The following GCNA variants were observed in gnomAD, a reference collection of about 807,000 sequenced individuals.
The protein encoded by GCNA is germ cell nuclear acidic protein.
A neutral mutation model predicts 38.8 loss-of-function variants in GCNA; 3 were observed. The ratio of observed to expected loss-of-function variants is 0.08; its 90% CI spans 0.04 to 0.20. GCNA has a LOEUF of 0.20. GCNA is among the 10% of genes least tolerant of loss of function. GCNA has a pLI of 1.00. For synonymous variants in GCNA, 195 were observed against 240.2 expected, an observed-to-expected ratio of 0.81 and a Z score of 1.74; for missense variants, 446 against 578.6, an observed-to-expected ratio of 0.77 and a Z score of 2.35.
intron 1 of GCNA, among the ~76,000 whole-genome samples, chrX:71,578,880 C>T (rs1303286788): frequency 1.2e-5 from 1 of 84,015 alleles, no homozygotes; most frequent in African/African-American, 4.6e-5. Context: ...CTGGTGGTGG[C>T]GTAGAAGGAG....
rs1247219537 is a variant in GCNA at position 71,581,447 on chromosome X, A to G, written c.59+567A>G. Reference sequence around the variant, plus strand: ...GTCTCTAAGTTTTTTCTCTTCTGGAACACTACCCTATTTTCCTCCCTCACA... The same window carrying G: ...GTCTCTAAGTTTTTTCTCTTCTGGAGCACTACCCTATTTTCCTCCCTCACA... On this transcript the variant is annotated intron_variant, in intron 2 of 12. Transcript: ENST00000373696. Among the ~76,000 whole-genome samples, 3 of 111,930 alleles carry G rather than the reference A, an allele frequency of 2.7e-5. No individual in the cohort carries two copies. The East Asian group carries it at 8.3e-4, about 31-fold the overall frequency.
At chrX:71,607,847 C>T (rs990141810) in intron 9 of GCNA, among the ~76,000 whole-genome samples, 1 of 112,779 alleles carries the variant, frequency 8.9e-6, no homozygotes, top group Non-Finnish European at 1.9e-5. Context: ...GAGATGTAGT[C>T]CTTGTAAGCC....
At chrX:71,599,337 C>G (rs1383910546) in intron 7 of GCNA, among the ~76,000 whole-genome samples, 1 of 111,683 alleles carries the variant, frequency 9.0e-6, no homozygotes, top group Non-Finnish European at 1.9e-5. Context: ...GGTGGCTGTG[C>G]CTGAGCAGGA....
chrX:71,578,673 G>A (rs961171798), intron 1 of GCNA, among the ~76,000 whole-genome samples, 151 bp downstream of exon 1: 6 of 111,727 alleles, frequency 5.4e-5, no homozygotes, highest in Admixed American at 2.8e-4. Context: ...AAGTGGCAGC[G>A]AGGGGAGAAG....
chrX:71,608,154 T>C (rs771287463), intron 9 of GCNA, among the ~76,000 whole-genome samples: 18 of 111,336 alleles, frequency 1.6e-4, no homozygotes, highest in African/African-American at 4.9e-4. Flanking sequence ...CATTAAAGGG[T>C]AGGACAAGAA....
chrX:71,603,339 A>G (rs775215523), intron 7 of GCNA, among the ~76,000 whole-genome samples: 3 of 111,754 alleles, frequency 2.7e-5, no homozygotes, highest in Non-Finnish European at 3.8e-5. Context: ...TTTGATAGGG[A>G]TTGTATTGAA....
Position 71,612,726 on chromosome X carries a change from A to T in GCNA, c.1956-136A>T, listed in dbSNP as rs190032183. 5.0e-6 allele frequency: 5 copies of T among 1,007,509 alleles called. No individual in the cohort carries two copies. The Admixed American group carries it at 1.4e-4, about 29-fold the overall frequency. 83.0% of individuals were successfully genotyped at this position (1,007,509 alleles called of 1,213,427 possible). On this transcript the variant is annotated intron_variant, in intron 12 of 12. Coordinates refer to ENST00000373696, the MANE Select transcript of GCNA (RefSeq NM_052957.5). ...TTCCGTAATTTGAGCCGGCCTGACC[A>T]CTGCTGCCGCTTGGTGCCCGGGTCT...
chrX:71,607,699 C>T (rs2040778454), intron 9 of GCNA, among the ~76,000 whole-genome samples: 1 of 112,351 alleles, frequency 8.9e-6, no homozygotes, highest in African/African-American at 3.2e-5. Flanking sequence ...AGTCACTTGA[C>T]CCCTGAGCAC....
chrX:71,594,227 A>C, intron 4 of GCNA, 104 bp from the exon 5 acceptor site: 1 of 634,606 alleles, frequency 1.6e-6, no homozygotes, highest in Non-Finnish European at 2.4e-6. Context: ...GCATTTCAGG[A>C]ATTCTGATTG....
intron 2 of GCNA, among the ~76,000 whole-genome samples, chrX:71,581,530 A>G (rs776228593): frequency 8.9e-6 from 1 of 112,388 alleles, no homozygotes; most frequent in South Asian, 3.7e-4. Context: ...AAGTCTGGAA[A>G]TAGACCTAAG....
At chrX:71,591,161 C>T (rs1184660982) in intron 2 of GCNA, among the ~76,000 whole-genome samples, 1 of 110,856 alleles carries the variant, frequency 9.0e-6, no homozygotes, top group Non-Finnish European at 1.9e-5. Context: ...GTGCTCACTG[C>T]GGTGTGACTC....
chrX:71,612,745 C>T (rs914076979), intron 12 of GCNA, 117 bp from the exon 13 acceptor site: 31 of 1,079,305 alleles, frequency 2.9e-5, no homozygotes, highest in Admixed American at 1.4e-4. Flanking sequence ...GCTTGGTGCC[C>T]GGGTCTCTGA....
rs779979584 is a variant in GCNA, at chrX:71,604,205, G to C, written c.928G>C (p.Asp310His). ...DDSEAPDDKS[D>H]DSDVPEDKSD... is the part of the protein sequence containing the mutation. ...TTCGGAAGCTCCCGACGACAAGAGTGATGATTCGGATGTTCCCGAAGACAA... is the reference window on the plus strand; with the variant it reads ...TTCGGAAGCTCCCGACGACAAGAGTCATGATTCGGATGTTCCCGAAGACAA... Residue 310 changes from aspartate (D) to histidine (H), a missense_variant, in exon 8 of 13, where the codon GAT becomes CAT. Physicochemically the swap from Asp to His is moderately conservative, Grantham distance 81. Coordinates refer to ENST00000373696, the MANE Select transcript of GCNA (RefSeq NM_052957.5). 8.2e-6 allele frequency: 10 copies of C among 1,212,663 alleles called. No individual in the cohort carries two copies. The highest frequency in any genetic ancestry group is 8.9e-6 in the Non-Finnish European group (8 of 895,729).
intron 9 of GCNA, 85 bp from the exon 10 acceptor site, chrX:71,608,888 T>C: frequency 9.4e-7 from 1 of 1,068,008 alleles, no homozygotes; most frequent in Non-Finnish European, 1.2e-6. Flanking sequence ...GCAACATGTT[T>C]TCAGGGTCTC....
intron 6 of GCNA, 121 bp from the exon 7 acceptor site, chrX:71,597,829 G>A (rs1388243210): frequency 2.0e-6 from 1 of 489,920 alleles, no homozygotes; most frequent in Non-Finnish European, 3.6e-6. Context: ...GGGGAACAGA[G>A]TTACTGTGGG....
intron 2 of GCNA, among the ~76,000 whole-genome samples, chrX:71,587,327 G>A (rs1171305122): frequency 1.8e-5 from 2 of 110,131 alleles, no homozygotes; most frequent in African/African-American, 6.6e-5. Context: ...GGTGGGGAAG[G>A]AGGGATTGGC....
Position 71,610,833 on chromosome X carries a change from T to C in GCNA, c.1750+14T>C, listed in dbSNP as rs771052400. 1 of 1,209,884 alleles carries C rather than the reference T, an allele frequency of 8.3e-7. No individual in the cohort carries two copies. Among genetic ancestry groups the C allele is most frequent in the South Asian group, 1.8e-5 (1 of 56,637 alleles). On this transcript the variant is annotated intron_variant, in intron 11 of 12. Coordinates refer to ENST00000373696, the MANE Select transcript of GCNA (RefSeq NM_052957.5). ...GCGACTCTGCAGGTGATGGCAGGAG[T>C]GTGGTAGCTTCACCACTGTGCTCTT...
chrX:71,583,354 C>T (rs780454062), intron 2 of GCNA, among the ~76,000 whole-genome samples: 3 of 110,604 alleles, frequency 2.7e-5, no homozygotes, highest in East Asian at 2.8e-4. Context: ...GGGTGGCTCA[C>T]GCCTGTAATC....
At chrX:71,582,179 G>A (rs920500962) in intron 2 of GCNA, among the ~76,000 whole-genome samples, 1 of 106,374 alleles carries the variant, frequency 9.4e-6, no homozygotes, top group African/African-American at 3.4e-5. Flanking sequence ...AGGTTCAGGT[G>A]GGAGAATCAC....
Sources: allele counts gnomAD v4.1 joint callset (sites outside exome capture counted in the v4.1 genomes callset), GRCh38; gene constraint gnomAD v4.1.1; transcripts MANE v1.5; gene names NCBI Gene and HGNC (gene_info 2026-07-23, HGNC 2026-07-21).